Variants in SFTPA1 observed in about 807,000 individuals in gnomAD.
SFTPA1 encodes pulmonary surfactant-associated protein A1.
SFTPA1 carries 13 observed loss-of-function variants against 19.1 expected under a neutral mutation model. The ratio of observed to expected loss-of-function variants is 0.68; its 90% CI spans 0.44 to 1.08. The LOEUF is 1.08. SFTPA1 is among the 50% of genes least tolerant of loss of function. The pLI is 0.00. For synonymous variants in SFTPA1, 101 were observed against 117.0 expected, an observed-to-expected ratio of 0.86 and a Z score of 0.88; for missense variants, 259 against 316.4, an observed-to-expected ratio of 0.82 and a Z score of 1.38.
Position 79,614,124 on chromosome 10 carries a change from G to C in SFTPA1, c.*11G>C. ...ATCTGTGAGTTCTGAGAGGCATTTAGGCCATGGGACAGGGAGGACGCTCTC... is the reference window on the plus strand; with the variant it reads ...ATCTGTGAGTTCTGAGAGGCATTTACGCCATGGGACAGGGAGGACGCTCTC... On this transcript the variant is annotated 3_prime_UTR_variant, in exon 6 of 6. Transcript: ENST00000398636. 6.2e-7 allele frequency: 1 copy of C among 1,614,258 alleles called. No individual in the cohort carries two copies. Among genetic ancestry groups the C allele is most frequent in the Non-Finnish European group, 8.5e-7 (1 of 1,180,042 alleles).
At chr10:79,613,093 A>T in intron 4 of SFTPA1, 96 bp from the exon 5 acceptor site, 2 of 1,608,068 alleles carry the variant, frequency 1.2e-6, no homozygotes, top group Non-Finnish European at 1.7e-6. Flanking sequence ...ATGAAAGGGC[A>T]GAGTTCCAGG....
At chr10:79,611,461 G>A (rs936984234) in intron 2 of SFTPA1, 72 bp downstream of exon 2, 77 of 1,011,382 alleles carry the variant, frequency 7.6e-5, no homozygotes, top group African/African-American at 6.1e-4. Context: ...TTCAGCTGAA[G>A]TCAGAGAGGT....
Position 79,612,390 on chromosome 10 carries a change from A to G in SFTPA1, c.251A>G (p.Glu84Gly), listed in dbSNP as rs763047805. The G allele has an allele frequency of 1.2e-6, 2 of 1,613,266 alleles. No homozygotes were observed. Among genetic ancestry groups the G allele is most frequent in the Middle Eastern group, 1.7e-4 (1 of 6,056 alleles). The change falls in exon 4 of 6, where the codon GAG becomes GGG. Residue 84 changes from glutamate (E) to glycine (G), a missense_variant. Coordinates refer to ENST00000398636, the MANE Select transcript of SFTPA1 (RefSeq NM_005411.5). ...GLPGAPGIPG[E>G]CGEKGEPGER... is the part of the protein sequence containing the mutation. ...CCTGGAGCCCCTGGTATCCCTGGAG[A>G]GTGTGGAGAGAAGGGGGAGCCTGGC...
Position 79,612,164 on chromosome 10 carries a change from C to A in SFTPA1, c.173-148C>A, listed in dbSNP as rs528272397. ...TGGGTTCCTGGGGCCCTTATGATGG[C>A]GCATCCTGGAGAGTCTGTCCTCATA... On this transcript the variant is annotated intron_variant, in intron 3 of 5. Coordinates refer to ENST00000398636, the MANE Select transcript of SFTPA1 (RefSeq NM_005411.5). 2.5e-6 allele frequency: 4 copies of A among 1,590,620 alleles called. No homozygotes were observed. In the African/African-American group the frequency reaches 5.4e-5, roughly 21 times the overall value.
rs373874678 is a variant in SFTPA1, at chr10:79,613,291, G to A, written c.370+25G>A. 1.5e-4 allele frequency: 238 copies of A among 1,613,986 alleles called. 1 individual carries two copies. The highest frequency in any genetic ancestry group is 1.7e-4 in the Non-Finnish European group (201 of 1,179,946). ...GGTAAGGGGACCCCCTGGGCCTCACGGGGTAGGAGTTTCCCACAAATTCCC... is the reference window on the plus strand; with the variant it reads ...GGTAAGGGGACCCCCTGGGCCTCACAGGGTAGGAGTTTCCCACAAATTCCC... On this transcript the variant is annotated intron_variant, in intron 5 of 5. Coordinates refer to ENST00000398636, the MANE Select transcript of SFTPA1 (RefSeq NM_005411.5).
rs397728201 is a variant in SFTPA1 at position 79,614,033 on chromosome 10, C to T, written c.667C>T (p.Gln223Ter). Residue 223 changes from glutamine to a stop codon, truncating the protein, a stop_gained, in exon 6 of 6, where the codon CAG becomes TAG. Transcript: ENST00000398636. LOFTEE classifies it high-confidence loss of function. ...GGAGCCCGCAGGTCGGGGAAAAGAG[C>T]AGTGTGTGGAGATGTACACAGATGG... is the stretch of plus-strand genomic sequence containing the variant. ...RGEPAGRGKE[Q>*]CVEMYTDGQW... 2 of 1,614,064 alleles carry T rather than the reference C, an allele frequency of 1.2e-6. No individual in the cohort carries two copies. The highest frequency in any genetic ancestry group is 1.7e-6 in the Non-Finnish European group (2 of 1,179,930).
Position 79,613,133 on chromosome 10 carries a change from G to C in SFTPA1, c.293-56G>C, listed in dbSNP as rs957573127. On this transcript the variant is annotated intron_variant, in intron 4 of 5. Coordinates refer to ENST00000398636, the MANE Select transcript of SFTPA1 (RefSeq NM_005411.5). ...CAGATGGCAAAACACCTGCGTGGCAGCAAGTGGGAGTCTTCACTGGCCTGC... is the reference window on the plus strand; with the variant it reads ...CAGATGGCAAAACACCTGCGTGGCACCAAGTGGGAGTCTTCACTGGCCTGC... The C allele has an allele frequency of 2.5e-6, 4 of 1,613,278 alleles. No individual in the cohort carries two copies. In the African/African-American group the frequency reaches 4.0e-5, roughly 16 times the overall value.
At position 79,615,151 on chromosome 10, in the gene SFTPA1, C is replaced by A; in HGVS notation, c.*1038C>A. 1.6e-6 allele frequency: 2 copies of A among 1,238,500 alleles called. No individual in the cohort carries two copies. Among genetic ancestry groups the A allele is most frequent in the Non-Finnish European group, 2.1e-6 (2 of 935,668 alleles). The allele number at this position is 1,238,500 out of a possible 1,614,324, so 76.7% of individuals were successfully genotyped here. A position where few individuals can be genotyped will look rare whatever the true frequency, so the allele number is the denominator to read the frequency against. ...CCAGAACTGTTACTATACACAGAGG[C>A]TATTGACTGAGCACCTATCATTTGC... On this transcript the variant is annotated 3_prime_UTR_variant, in exon 6 of 6. Transcript: ENST00000398636.
chr10:79,612,376 T>A lies in SFTPA1; in HGVS notation c.237T>A (p.Pro79=), dbSNP rs1337560140. The change falls in exon 4 of 6, where the codon CCT becomes CCA. Residue 79 remains proline (P), a synonymous_variant. Transcript: ENST00000398636. The part of the protein sequence containing the change: ...PPGNDGLPGA[P]GIPGECGEKG... ...GAAATGATGGGCTGCCTGGAGCCCC[T>A]GGTATCCCTGGAGAGTGTGGAGAGA... The A allele has an allele frequency of 6.2e-7, 1 of 1,613,816 alleles. No individual in the cohort carries two copies. The highest frequency in any genetic ancestry group is 8.5e-7 in the Non-Finnish European group (1 of 1,179,884).
Position 79,615,143 on chromosome 10 carries a change from C to T in SFTPA1, c.*1030C>T. 1 of 1,271,866 alleles carries T rather than the reference C, an allele frequency of 7.9e-7. No homozygotes were observed. Among genetic ancestry groups the T allele is most frequent in the Non-Finnish European group, 1.0e-6 (1 of 962,560 alleles). 78.8% of individuals were successfully genotyped at this position (1,271,866 alleles called of 1,614,324 possible). On this transcript the variant is annotated 3_prime_UTR_variant, in exon 6 of 6. Transcript: ENST00000398636. ...AATTACTACCAGAACTGTTACTATA[C>T]ACAGAGGCTATTGACTGAGCACCTA...
chr10:79,613,908 A>C lies in SFTPA1; in HGVS notation c.542A>C (p.Tyr181Ser), dbSNP rs767633105. The C allele has an allele frequency of 1.2e-6, 2 of 1,614,038 alleles. No individual in the cohort carries two copies. The highest frequency in any genetic ancestry group is 3.3e-5 in the Admixed American group (2 of 60,028). The part of the protein sequence containing the change: ...NEAIASFVKK[Y>S]NTYAYVGLTE... ...GCCATTGCAAGCTTCGTGAAGAAGT[A>C]CAACACATATGCCTATGTAGGCCTG... The change falls in exon 6 of 6, where the codon TAC becomes TCC. Residue 181 changes from tyrosine (Y) to serine (S), a missense_variant. Physicochemically the swap from Tyr to Ser is moderately radical, Grantham distance 144 (BLOSUM62 -2). Coordinates refer to ENST00000398636, the MANE Select transcript of SFTPA1 (RefSeq NM_005411.5).
At chr10:79,611,606 C>G (rs532407917) in intron 2 of SFTPA1, 197 bp from the exon 3 acceptor site, 4 of 1,550,924 alleles carry the variant, frequency 2.6e-6, no homozygotes, top group Non-Finnish European at 3.5e-6. Context: ...AACCTCCAGC[C>G]GGAGGCCTGA....
In SFTPA1 at chr10:79,614,910, C is replaced by T; in HGVS notation, c.*797C>T. On this transcript the variant is annotated 3_prime_UTR_variant, in exon 6 of 6. Coordinates refer to ENST00000398636, the MANE Select transcript of SFTPA1 (RefSeq NM_005411.5). ...GGCATTCACACCACCCCCCACACCACTGGCTCTGCTTTCTCCTTTCATTAA... is the reference window on the plus strand; with the variant it reads ...GGCATTCACACCACCCCCCACACCATTGGCTCTGCTTTCTCCTTTCATTAA... The T allele has an allele frequency of 9.0e-7, 1 of 1,114,612 alleles. No individual in the cohort carries two copies. Among genetic ancestry groups the T allele is most frequent in the Non-Finnish European group, 1.2e-6 (1 of 831,320 alleles). 69.0% of individuals were successfully genotyped at this position (1,114,612 alleles called of 1,614,324 possible). A position where few individuals can be genotyped will look rare whatever the true frequency, so the allele number is the denominator to read the frequency against.
rs528807609 is a variant in SFTPA1 at position 79,610,960 on chromosome 10, G to A, written c.-117G>A. 6.6e-6 allele frequency: 1 copy of A among 152,464 alleles called. No homozygotes were observed. Among genetic ancestry groups the A allele is most frequent in the Non-Finnish European group, 1.5e-5 (1 of 68,194 alleles). 9.4% of individuals were successfully genotyped at this position (152,464 alleles called of 1,614,324 possible). A position where few individuals can be genotyped will look rare whatever the true frequency, so the allele number is the denominator to read the frequency against. ...CTCTGACTTGGAGGCAGAGACCCAA[G>A]CAGCTGGAGGCTCTGTGTGTGGGTG... On this transcript the variant is annotated 5_prime_UTR_variant, in exon 1 of 6. Transcript: ENST00000398636.
chr10:79,614,273 G>T lies in SFTPA1; in HGVS notation c.*160G>T. The T allele has an allele frequency of 4.3e-6, 5 of 1,173,476 alleles. No individual in the cohort carries two copies. Among genetic ancestry groups the T allele is most frequent in the Admixed American group, 2.4e-5 (1 of 41,948 alleles). The allele number at this position is 1,173,476 out of a possible 1,614,324, so 72.7% of individuals were successfully genotyped here. On this transcript the variant is annotated 3_prime_UTR_variant, in exon 6 of 6. Transcript: ENST00000398636. ...CTTAGCCACTTCATTCCTCTGATGGGCCCTGACTCTTCCCCATAATCACTG... is the reference window on the plus strand; with the variant it reads ...CTTAGCCACTTCATTCCTCTGATGGTCCCTGACTCTTCCCCATAATCACTG...
intron 4 of SFTPA1, 22 bp from the exon 5 acceptor site, chr10:79,613,167 C>G: frequency 6.2e-7 from 1 of 1,613,966 alleles, no homozygotes. Flanking sequence ...GCCCCTCCTT[C>G]TGTGTGGGGC....
Position 79,611,314 on chromosome 10 carries a change from C to G in SFTPA1, c.-94-5C>G, listed in dbSNP as rs1249543131. 5 of 373,108 alleles carry G rather than the reference C, an allele frequency of 1.3e-5. No homozygotes were observed. 23.1% of individuals were successfully genotyped at this position (373,108 alleles called of 1,614,324 possible). A position where few individuals can be genotyped will look rare whatever the true frequency, so the allele number is the denominator to read the frequency against. The stretch of plus-strand genomic sequence containing the variant: ...CGGGCCCCGTTCATCTTTTTTCATT[C>G]TCAGGTCGCTGATTTCTTGGAGCCT... On this transcript the variant is annotated splice_polypyrimidine_tract_variant and splice_region_variant and intron_variant, in intron 1 of 5. Transcript: ENST00000398636.
In SFTPA1 at chr10:79,614,274, C is replaced by A; in HGVS notation, c.*161C>A. 1.7e-6 allele frequency: 2 copies of A among 1,163,420 alleles called. No homozygotes were observed. The highest frequency in any genetic ancestry group is 2.4e-6 in the Non-Finnish European group (2 of 826,554). 72.1% of individuals were successfully genotyped at this position (1,163,420 alleles called of 1,614,324 possible). On this transcript the variant is annotated 3_prime_UTR_variant, in exon 6 of 6. Coordinates refer to ENST00000398636, the MANE Select transcript of SFTPA1 (RefSeq NM_005411.5). ...TTAGCCACTTCATTCCTCTGATGGGCCCTGACTCTTCCCCATAATCACTGA... is the reference window on the plus strand; with the variant it reads ...TTAGCCACTTCATTCCTCTGATGGGACCTGACTCTTCCCCATAATCACTGA...
Position 79,615,043 on chromosome 10 carries a change from C to G in SFTPA1, c.*930C>G. On this transcript the variant is annotated 3_prime_UTR_variant, in exon 6 of 6. Coordinates refer to ENST00000398636, the MANE Select transcript of SFTPA1 (RefSeq NM_005411.5). ...AGTTGAAGATTTTTTTTTCCCAGAG[C>G]TTATGTCTTCATCTGTGAAATGGGA... The G allele has an allele frequency of 1.5e-6, 2 of 1,305,106 alleles. No homozygotes were observed. The highest frequency in any genetic ancestry group is 2.0e-6 in the Non-Finnish European group (2 of 988,890). 80.8% of individuals were successfully genotyped at this position (1,305,106 alleles called of 1,614,324 possible).
Sources: allele counts gnomAD v4.1 joint callset, GRCh38; gene constraint gnomAD v4.1.1; transcripts MANE v1.5; gene names NCBI Gene and HGNC (gene_info 2026-07-23, HGNC 2026-07-21).